WDFY2: variants seen among roughly 807,000 people sequenced by gnomAD.
WDFY2 encodes the protein WD repeat and FYVE domain containing 2, also known as WD repeat and FYVE domain-containing protein 2.
A neutral mutation model predicts 56.4 loss-of-function variants in WDFY2; 36 were observed. That is an observed-to-expected ratio of 0.64 (90% CI 0.49 to 0.84). The LOEUF (loss-of-function observed/expected upper bound fraction) is 0.84, where lower values mean the gene tolerates loss of function less well. WDFY2 is among the 40% of genes least tolerant of loss of function. The pLI is 0.00. For missense variants in WDFY2, 444 were observed against 512.2 expected (o/e 0.87, Z 1.29); for synonymous variants, 176 against 183.7 (o/e 0.96, Z 0.34).
In WDFY2 at chr13:51,737,038, G is replaced by C. The variant is rs1477713105; in HGVS notation, c.599-2011G>C. Among the ~76,000 whole-genome samples, 3 of 152,138 alleles carry C rather than the reference G, an allele frequency of 2.0e-5. 1 individual carries two copies. Among genetic ancestry groups the C allele is most frequent in the Middle Eastern group, 6.3e-3 (2 of 316 alleles). On this transcript the variant is annotated intron_variant, in intron 6 of 11. Coordinates refer to ENST00000298125, the MANE Select transcript of WDFY2 (RefSeq NM_052950.4). ...AGAACCTAAGCTACCCATTTCACGT[G>C]TTATATAGGGGAAATCAAACACTTG...
At chr13:51,753,465 A>G (rs1207436972) in intron 8 of WDFY2, among the ~76,000 whole-genome samples, 1 of 152,224 alleles carries the variant, frequency 6.6e-6, no homozygotes, top group African/African-American at 2.4e-5. Context: ...CATTCTTGGT[A>G]GAAAAGTTAC....
At chr13:51,594,929 T>G (rs555459883) in intron 1 of WDFY2, among the ~76,000 whole-genome samples, 1 of 152,372 alleles carries the variant, frequency 6.6e-6, no homozygotes, top group East Asian at 1.9e-4. Context: ...CATGGTTCCA[T>G]TAAGACTATT....
rs569290841 is a variant in WDFY2 at position 51,603,063 on chromosome 13, C to G, written c.137+18239C>G. On this transcript the variant is annotated intron_variant, in intron 1 of 11. Coordinates refer to ENST00000298125, the MANE Select transcript of WDFY2 (RefSeq NM_052950.4). ...GTTTCTTGAGTTCAAGCATATAGGC[C>G]TGGGACTTTTATGACTGATACAAAG... 2.0e-5 allele frequency among the ~76,000 whole-genome samples: 3 copies of G among 152,166 alleles called. No homozygotes were observed. The South Asian group carries it at 6.2e-4, about 32-fold the overall frequency.
At chr13:51,742,106 G>A (rs895402666) in intron 7 of WDFY2, among the ~76,000 whole-genome samples, 1 of 152,152 alleles carries the variant, frequency 6.6e-6, no homozygotes, top group Non-Finnish European at 1.5e-5. Flanking sequence ...GCCTTTCCTT[G>A]GTATGGAAAT....
intron 3 of WDFY2, among the ~76,000 whole-genome samples, chr13:51,691,356 C>G (rs1030263684): frequency 1.0e-3 from 155 of 151,246 alleles, no homozygotes; most frequent in Non-Finnish European, 1.5e-3. Flanking sequence ...TTTAATCCAT[C>G]TTGAATTAAT....
chr13:51,591,167 G>A (rs1049218352), intron 1 of WDFY2: 43 of 152,182 alleles, frequency 2.8e-4, no homozygotes, highest in African/African-American at 9.9e-4. Context: ...GTAGTGACTA[G>A]ATAAGTAGTC....
intron 6 of WDFY2, among the ~76,000 whole-genome samples, chr13:51,736,323 G>T (rs1326874462): frequency 6.6e-6 from 1 of 152,128 alleles, no homozygotes; most frequent in Non-Finnish European, 1.5e-5. Flanking sequence ...CTTGTCCAAG[G>T]TCCTATACCT....
chr13:51,655,122 C>G (rs1955484387), intron 1 of WDFY2, among the ~76,000 whole-genome samples: 2 of 151,812 alleles, frequency 1.3e-5, no homozygotes, highest in African/African-American at 4.8e-5. Flanking sequence ...TTAGGATTTT[C>G]TATAAGTAGA....
intron 6 of WDFY2, among the ~76,000 whole-genome samples, chr13:51,729,362 G>A (rs200203361): frequency 4.7e-5 from 7 of 148,568 alleles, no homozygotes; most frequent in Non-Finnish European, 7.4e-5. Flanking sequence ...AGCCCCCATC[G>A]CCATCTCATT....
chr13:51,636,633 A>C (rs1234828711), intron 1 of WDFY2, among the ~76,000 whole-genome samples: 1 of 152,224 alleles, frequency 6.6e-6, no homozygotes, highest in Admixed American at 6.5e-5. Flanking sequence ...AAAACAAGGC[A>C]AACGTTCAAG....
At chr13:51,606,960 C>T (rs757207713) in intron 1 of WDFY2, among the ~76,000 whole-genome samples, 4 of 152,196 alleles carry the variant, frequency 2.6e-5, no homozygotes, top group East Asian at 1.9e-4. Context: ...CAGTACCAGC[C>T]GTCACTTGTT....
At chr13:51,732,553 T>C (rs1952747462) in intron 6 of WDFY2, among the ~76,000 whole-genome samples, 1 of 152,252 alleles carries the variant, frequency 6.6e-6, no homozygotes, top group Non-Finnish European at 1.5e-5. Flanking sequence ...CAAAGCATAC[T>C]AATTAATGAA....
chr13:51,662,729 A>G (rs1955637462), intron 2 of WDFY2, among the ~76,000 whole-genome samples: 1 of 152,192 alleles, frequency 6.6e-6, no homozygotes, highest in African/African-American at 2.4e-5. Context: ...ATAAATACTT[A>G]TTGAAGGATT....
chr13:51,647,765 T>TAAAAAAA (rs528621325), intron 1 of WDFY2, among the ~76,000 whole-genome samples: 1 of 102,734 alleles, frequency 9.7e-6, no homozygotes, highest in African/African-American at 3.7e-5. Context: ...GTCTCTCTCT[T>TAAAAAAA]AAAAAAAAAA....
rs369943049 is a variant in WDFY2 at position 51,630,676 on chromosome 13, GT to G, written c.138-29917del. On this transcript the variant is annotated intron_variant, in intron 1 of 11. Coordinates refer to ENST00000298125, the MANE Select transcript of WDFY2 (RefSeq NM_052950.4). ...TTTAACCCATTAGCGTTTACTGAAT[GT>G]TTGGTCTTACCCTTGGCTTTTTGTG... Among the ~76,000 whole-genome samples the G allele has an allele frequency of 3.3e-4, 50 of 149,574 alleles. 1 individual carries two copies. The East Asian group carries it at 8.3e-3, about 25-fold the overall frequency.
At chr13:51,703,236 A>G (rs777992780) in intron 3 of WDFY2, among the ~76,000 whole-genome samples, 2 of 152,242 alleles carry the variant, frequency 1.3e-5, no homozygotes, top group Non-Finnish European at 2.9e-5. Context: ...CAGAAATGCT[A>G]TCCATTTCCT....
intron 3 of WDFY2, 110 bp downstream of exon 3, chr13:51,675,353 G>A: frequency 2.9e-6 from 3 of 1,027,194 alleles, no homozygotes; most frequent in South Asian, 3.0e-5. Flanking sequence ...TTGCTAAGTA[G>A]AATGAAAATT....
At chr13:51,705,331 A>C (rs1952061144) in intron 4 of WDFY2, among the ~76,000 whole-genome samples, 1 of 152,212 alleles carries the variant, frequency 6.6e-6, no homozygotes, top group South Asian at 2.1e-4. Context: ...AAACTGCACC[A>C]ATACTTCAGA....
chr13:51,734,587 CCTT>C (rs1278022504), intron 6 of WDFY2, among the ~76,000 whole-genome samples: 17 of 152,094 alleles, frequency 1.1e-4, no homozygotes, highest in African/African-American at 3.6e-4. Flanking sequence ...ACCGTTTCAA[CCTT>C]CTAAGTGTAC....
Sources: gnomAD v4.1 joint callset for allele counts (sites outside exome capture counted in the v4.1 genomes callset) on GRCh38, gnomAD v4.1.1 for gene constraint, MANE v1.5 for transcripts, NCBI Gene and HGNC (gene_info 2026-07-23, HGNC 2026-07-21) for gene names.